The following WDFY4 variants were observed in gnomAD, a reference collection of about 807,000 sequenced individuals.
WDFY4 encodes WDFY family member 4.
WDFY4 carries 169 observed loss-of-function variants against 351.9 expected under a neutral mutation model. The ratio of observed to expected loss-of-function variants is 0.48; its 90% CI spans 0.42 to 0.55. The LOEUF (loss-of-function observed/expected upper bound fraction) is 0.55. WDFY4 is among the 20% of genes least tolerant of loss of function. WDFY4 has a pLI of 0.00. For missense variants in WDFY4, 3,803 were observed against 3,935.6 expected (o/e 0.97, Z 0.90); for synonymous variants, 1,622 against 1,574.6 (o/e 1.03, Z -0.71).
intron 12 of WDFY4, among the ~76,000 whole-genome samples, chr10:48,754,528 T>G (rs1251757608): frequency 6.6e-6 from 1 of 151,716 alleles, no homozygotes; most frequent in African/African-American, 2.4e-5. Flanking sequence ...TCTTGGCTCT[T>G]TTTTTCTCAA....
intron 57 of WDFY4, among the ~76,000 whole-genome samples, chr10:48,970,676 T>C (rs948798775): frequency 1.3e-5 from 2 of 152,226 alleles, no homozygotes; most frequent in Non-Finnish European, 2.9e-5. Flanking sequence ...AAGTTGGCCT[T>C]TATGCCAAGG....
chr10:48,778,211 A>G (rs570627614), intron 17 of WDFY4, among the ~76,000 whole-genome samples: 171 of 152,322 alleles, frequency 1.1e-3, no homozygotes, highest in Non-Finnish European at 1.6e-3. Flanking sequence ...ACCAAGTCTG[A>G]GGACACAGCA....
chr10:48,943,508 G>T, intron 49 of WDFY4, 59 bp downstream of exon 49: 1 of 1,525,308 alleles, frequency 6.6e-7, no homozygotes. Context: ...TGATAACAGA[G>T]ACCCTAAGTC....
intron 5 of WDFY4, among the ~76,000 whole-genome samples, chr10:48,723,994 T>C (rs1022796088): frequency 6.6e-6 from 1 of 152,112 alleles, no homozygotes; most frequent in Non-Finnish European, 1.5e-5. Flanking sequence ...TCTTCCTTCC[T>C]CTCAGAAGAC....
intron 1 of WDFY4, among the ~76,000 whole-genome samples, chr10:48,689,553 T>G (rs1427762967): frequency 6.6e-6 from 1 of 152,258 alleles, no homozygotes; most frequent in African/African-American, 2.4e-5. Context: ...TTTAACCTAT[T>G]TATTTTTATT....
At chr10:48,910,180 C>A in intron 47 of WDFY4, 2 of 1,452,658 alleles carry the variant, frequency 1.4e-6, no homozygotes, top group South Asian at 2.3e-5. Flanking sequence ...GGCTTCTCCT[C>A]TTCAGAGTCG....
At chr10:48,890,485 C>G in intron 43 of WDFY4, 94 bp from the exon 44 acceptor site, 1 of 1,457,314 alleles carries the variant, frequency 6.9e-7, no homozygotes, top group Non-Finnish European at 9.3e-7. Context: ...CTCCAATTGC[C>G]CCATGGATGG....
At chr10:48,933,813 G>T (rs1564506048) in intron 47 of WDFY4, among the ~76,000 whole-genome samples, 2 of 152,104 alleles carry the variant, frequency 1.3e-5, no homozygotes, top group Middle Eastern at 3.2e-3. Flanking sequence ...GGTTTCAGGG[G>T]CCTGGAAACA....
chr10:48,908,861 T>C (rs993874055), intron 47 of WDFY4, among the ~76,000 whole-genome samples: 2 of 152,216 alleles, frequency 1.3e-5, no homozygotes, highest in Admixed American at 6.5e-5. Flanking sequence ...TACACAGTTA[T>C]TTTATCACCA....
intron 21 of WDFY4, 76 bp from the exon 22 acceptor site, chr10:48,789,798 G>A: frequency 4.3e-6 from 6 of 1,408,732 alleles, no homozygotes; most frequent in Non-Finnish European, 5.9e-6. Flanking sequence ...CAGAGGGCCT[G>A]CCCTCCAGGA....
intron 13 of WDFY4, among the ~76,000 whole-genome samples, chr10:48,772,955 T>A (rs11101473): frequency 0.28 from 40,863 of 148,474 alleles, 6,500 homozygotes; most frequent in East Asian, 0.49. Flanking sequence ...ATTGTTGGAC[T>A]TTTGGGTTGG....
chr10:48,717,752 A>G (rs528488299), intron 2 of WDFY4, among the ~76,000 whole-genome samples: 1 of 152,356 alleles, frequency 6.6e-6, no homozygotes, highest in South Asian at 2.1e-4. Context: ...GTTTTTCAGT[A>G]CTATATAGTA....
chr10:48,859,899 A>G (rs1490379237), intron 39 of WDFY4, among the ~76,000 whole-genome samples: 4 of 152,256 alleles, frequency 2.6e-5, no homozygotes, highest in Non-Finnish European at 5.9e-5. Context: ...GGCTATGCCA[A>G]TGATCTATCG....
intron 43 of WDFY4, among the ~76,000 whole-genome samples, chr10:48,877,603 G>A (rs2070073993): frequency 6.6e-6 from 1 of 152,218 alleles, no homozygotes; most frequent in African/African-American, 2.4e-5. Context: ...GGTCTTGGGT[G>A]CATGTGTTTG....
chr10:48,908,904 A>G (rs1425467705), intron 47 of WDFY4, among the ~76,000 whole-genome samples: 1 of 152,224 alleles, frequency 6.6e-6, no homozygotes, highest in African/African-American at 2.4e-5. Flanking sequence ...CTTTATAGTT[A>G]TGCCTACCTC....
chr10:48,947,321 A>C (rs1270733728), intron 51 of WDFY4, among the ~76,000 whole-genome samples: 1 of 152,218 alleles, frequency 6.6e-6, no homozygotes, highest in East Asian at 1.9e-4. Flanking sequence ...AGGATTAGAA[A>C]AATAAATACG....
intron 40 of WDFY4, among the ~76,000 whole-genome samples, chr10:48,868,229 G>T (rs2663020): frequency 0.43 from 65,652 of 151,938 alleles, 15,406 homozygotes; most frequent in East Asian, 0.71. Context: ...TGGATGTGCA[G>T]CCTGAACCCC....
At chr10:48,786,982 A>C in intron 20 of WDFY4, 112 bp downstream of exon 20, 1 of 839,656 alleles carries the variant, frequency 1.2e-6, no homozygotes, top group Middle Eastern at 2.5e-4. Context: ...GTCAGTCATT[A>C]GGGAAGACCT....
rs552092658 is a variant in WDFY4 at position 48,842,126 on chromosome 10, G to A, written c.6663+9417G>A. Among the ~76,000 whole-genome samples the A allele has an allele frequency of 3.8e-4, 58 of 151,978 alleles. 1 individual carries two copies. Among genetic ancestry groups the A allele is most frequent in the Middle Eastern group, 6.8e-3 (2 of 294 alleles). On this transcript the variant is annotated intron_variant, in intron 39 of 61. Coordinates refer to ENST00000325239, the MANE Select transcript of WDFY4 (RefSeq NM_001394531.1). ...ATTGGTACTGGATCCAGGCCCCTCAGTTTTGTGTGGAGAAGATTTGAGATA... is the reference window on the plus strand; with the variant it reads ...ATTGGTACTGGATCCAGGCCCCTCAATTTTGTGTGGAGAAGATTTGAGATA...
Sources: allele counts gnomAD v4.1 joint callset (sites outside exome capture counted in the v4.1 genomes callset), GRCh38; gene constraint gnomAD v4.1.1; transcripts MANE v1.5; gene names NCBI Gene and HGNC (gene_info 2026-07-23, HGNC 2026-07-21).